GRIA2: variants seen among roughly 807,000 people sequenced by gnomAD.
GRIA2 encodes glutamate receptor 2.
Under a neutral mutation model 97.3 loss-of-function variants are expected in GRIA2, and 14 were observed. The observed-to-expected ratio is 0.14, with a 90% confidence interval of 0.10 to 0.23. The LOEUF is 0.23. Among genes scored for constraint, GRIA2 ranks in the 10% least tolerant of loss-of-function variants. The pLI, the probability that GRIA2 is intolerant of heterozygous loss-of-function variation, is 1.00. For missense variants in GRIA2, 558 were observed against 1,069.8 expected, an observed-to-expected ratio of 0.52 and a Z score of 6.67; for synonymous variants, 412 against 387.8, an observed-to-expected ratio of 1.06 and a Z score of -0.73.
chr4:157,298,097 G>A (rs1227431910), intron 2 of GRIA2, among the ~76,000 whole-genome samples: 1 of 152,004 alleles, frequency 6.6e-6, no homozygotes, highest in Non-Finnish European at 1.5e-5. Context: ...GCCTTTATGT[G>A]ATGTGCTTTA....
chr4:157,245,059 T>G (rs2126725765), intron 2 of GRIA2, among the ~76,000 whole-genome samples: 1 of 152,188 alleles, frequency 6.6e-6, no homozygotes, highest in Non-Finnish European at 1.5e-5. Context: ...ATTTATATTT[T>G]TCTCAATTCA....
At chr4:157,234,282 T>C (rs1398165427) in intron 2 of GRIA2, among the ~76,000 whole-genome samples, 1 of 152,066 alleles carries the variant, frequency 6.6e-6, no homozygotes, top group Non-Finnish European at 1.5e-5. Flanking sequence ...TGCTTATAGG[T>C]GCATGGAAGG....
At chr4:157,329,636 G>A (rs1385355709) in intron 6 of GRIA2, among the ~76,000 whole-genome samples, 1 of 151,734 alleles carries the variant, frequency 6.6e-6, no homozygotes, top group African/African-American at 2.4e-5. Context: ...TCAAAACATG[G>A]TAAAAACAAA....
intron 2 of GRIA2, among the ~76,000 whole-genome samples, chr4:157,274,386 C>CT (rs1472623700): frequency 6.7e-6 from 1 of 150,106 alleles, no homozygotes; most frequent in Non-Finnish European, 1.5e-5. Context: ...AATTATTATA[C>CT]TTTAAGTTTT....
chr4:157,231,239 G>A (rs574920996), intron 2 of GRIA2, among the ~76,000 whole-genome samples: 13 of 152,146 alleles, frequency 8.5e-5, no homozygotes, highest in African/African-American at 2.4e-4. Context: ...GGGTTTCACC[G>A]TGTTGCCTAG....
intron 2 of GRIA2, among the ~76,000 whole-genome samples, chr4:157,242,765 T>C (rs1283118037): frequency 6.6e-6 from 1 of 152,154 alleles, no homozygotes; most frequent in African/African-American, 2.4e-5. Flanking sequence ...ACATTGTTTA[T>C]GTTTACAAAC....
At chr4:157,300,839 C>T (rs935393791) in intron 2 of GRIA2, among the ~76,000 whole-genome samples, 24 of 152,182 alleles carry the variant, frequency 1.6e-4, no homozygotes, top group African/African-American at 5.8e-4. Context: ...CCAGTGTTTC[C>T]AGATGGCCGC....
chr4:157,296,267 A>T (rs4626256), intron 2 of GRIA2, among the ~76,000 whole-genome samples: 151,515 of 152,272 alleles, frequency 1, 75,381 homozygotes, highest in Middle Eastern at 1. Context: ...TAACAGCTGT[A>T]ATTTTGCAAA....
At chr4:157,242,066 C>T (rs1388522142) in intron 2 of GRIA2, among the ~76,000 whole-genome samples, 3 of 151,958 alleles carry the variant, frequency 2.0e-5, no homozygotes, top group African/African-American at 7.2e-5. Context: ...TTTATCTTTG[C>T]TATCTTACTC....
chr4:157,235,253 C>T (rs1044385359), intron 2 of GRIA2, among the ~76,000 whole-genome samples: 1 of 151,982 alleles, frequency 6.6e-6, no homozygotes, highest in African/African-American at 2.4e-5. Flanking sequence ...TCTTTTCTTC[C>T]TTTCTTAAAC....
chr4:157,328,187 A>T (rs1734889454), intron 6 of GRIA2, among the ~76,000 whole-genome samples: 1 of 152,064 alleles, frequency 6.6e-6, no homozygotes, highest in Non-Finnish European at 1.5e-5. Flanking sequence ...AATATTTATA[A>T]TTTAATTCAG....
At chr4:157,303,344 A>G (rs1733697186) in intron 2 of GRIA2, among the ~76,000 whole-genome samples, 1 of 152,212 alleles carries the variant, frequency 6.6e-6, no homozygotes, top group Non-Finnish European at 1.5e-5. Flanking sequence ...AACCAGAACT[A>G]CTTTTTATGC....
chr4:157,257,009 T>A (rs1731308100), intron 2 of GRIA2, among the ~76,000 whole-genome samples: 1 of 152,028 alleles, frequency 6.6e-6, no homozygotes, highest in African/African-American at 2.4e-5. Context: ...GTAGAGTTTT[T>A]AAAATAAAAA....
chr4:157,334,325 G>A (rs1355607147), intron 9 of GRIA2: 1 of 494,656 alleles, frequency 2.0e-6, no homozygotes, highest in Non-Finnish European at 3.7e-6. Context: ...TTTAAGGAAC[G>A]CTACAGTTTA....
Position 157,337,996 on chromosome 4 carries a change from G to A in GRIA2, c.1844+1249G>A, listed in dbSNP as rs564297497. Among the ~76,000 whole-genome samples the A allele has an allele frequency of 7.7e-3, 966 of 126,060 alleles. 16 individuals are homozygous for A. The highest frequency in any genetic ancestry group is 0.073 in the Middle Eastern group (16 of 220). 82.7% of individuals were successfully genotyped at this position (126,060 alleles called of 152,430 possible). A position where few individuals can be genotyped will look rare whatever the true frequency, so the allele number is the denominator to read the frequency against. On this transcript the variant is annotated intron_variant, in intron 11 of 15. Transcript: ENST00000264426. ...AATTTGCACAGCATGACATATGTGT[G>A]TATATATATGTGTATATATATATAT...
intron 2 of GRIA2, among the ~76,000 whole-genome samples, chr4:157,270,462 T>C (rs1362246186): frequency 1.3e-5 from 2 of 152,164 alleles, no homozygotes; most frequent in African/African-American, 4.8e-5. Context: ...GTATTTTCCT[T>C]GATTATTAAA....
intron 12 of GRIA2, among the ~76,000 whole-genome samples, chr4:157,348,772 TAAAAC>T (rs890416263): frequency 2.0e-5 from 3 of 152,120 alleles, no homozygotes; most frequent in African/African-American, 7.2e-5. Context: ...AGCATTAAAA[TAAAAC>T]AAACAAAATT....
intron 6 of GRIA2, among the ~76,000 whole-genome samples, chr4:157,323,687 G>A (rs898921333): frequency 6.6e-6 from 1 of 152,186 alleles, no homozygotes; most frequent in African/African-American, 2.4e-5. Context: ...TTTTCTCCTA[G>A]AAGTCGTATC....
intron 6 of GRIA2, among the ~76,000 whole-genome samples, chr4:157,323,826 A>G (rs982374513): frequency 2.2e-4 from 34 of 152,200 alleles, no homozygotes; most frequent in Admixed American, 2.0e-3. Context: ...GAGAACCTGC[A>G]TTGTGACCTT....
Sources: allele counts gnomAD v4.1 joint callset (sites outside exome capture counted in the v4.1 genomes callset), GRCh38; gene constraint gnomAD v4.1.1; transcripts MANE v1.5; gene names NCBI Gene and HGNC (gene_info 2026-07-23, HGNC 2026-07-21).